SPATA7: variants seen among roughly 807,000 people sequenced by gnomAD.
The protein encoded by SPATA7 is spermatogenesis associated 7.
A neutral mutation model predicts 51.8 loss-of-function variants in SPATA7; 43 were observed. The observed-to-expected ratio is 0.83, with a 90% CI of 0.65 to 1.07. SPATA7 has a LOEUF of 1.07. SPATA7 is among the 50% of genes least tolerant of loss of function. The probability of loss-of-function intolerance (pLI) is 0.00; values close to 1 mark genes in which losing one functional copy is unlikely to be tolerated. For missense variants in SPATA7, 683 were observed against 701.3 expected (o/e 0.97, Z 0.30); for synonymous variants, 230 against 252.8 (o/e 0.91, Z 0.86).
intron 4 of SPATA7, among the ~76,000 whole-genome samples, chr14:88,460,616 T>A (rs1036745033): frequency 1.3e-5 from 2 of 152,186 alleles, no homozygotes; most frequent in Non-Finnish European, 2.9e-5. Context: ...TCATCTAATC[T>A]TTTTTCAAGG....
chr14:88,419,752 C>G (rs1430319880), intron 5 of SPATA7, among the ~76,000 whole-genome samples: 1 of 152,072 alleles, frequency 6.6e-6, no homozygotes, highest in African/African-American at 2.4e-5. Flanking sequence ...GTCTCGATCT[C>G]CTGACCTCGT....
rs182677472 is a variant in SPATA7 at position 88,389,305 on chromosome 14, A to G, written c.20-2076A>G. 1.1e-3 allele frequency among the ~76,000 whole-genome samples: 160 copies of G among 151,800 alleles called. 2 individuals carry two copies. In the East Asian group the frequency reaches 0.023, roughly 22 times the overall value. On this transcript the variant is annotated intron_variant, in intron 1 of 11. Transcript: ENST00000393545. The stretch of plus-strand genomic sequence containing the variant: ...AGTGCATTGCAGCCTCCTGGGCTCA[A>G]TCATCCTCCCATCTCAGCCTCCTGT...
At chr14:88,437,633 T>A (rs2077125724) in intron 11 of SPATA7, 36 bp downstream of exon 11, 2 of 1,513,984 alleles carry the variant, frequency 1.3e-6, no homozygotes, top group Non-Finnish European at 1.8e-6. Flanking sequence ...AGAAAAATTA[T>A]AATGTAAAAA....
rs554224437 is a variant in SPATA7, at chr14:88,391,380, G to A, written c.20-1G>A. The stretch of plus-strand genomic sequence containing the variant: ...TTATGATTTTTTTTTCTTGTTAAAA[G>A]TCAGAGCAACCTCTGTCCTTCCCAG... On this transcript the variant is annotated splice_acceptor_variant, in intron 1 of 11. Transcript: ENST00000393545. LOFTEE classifies it high-confidence loss of function. 5 of 1,610,688 alleles carry A rather than the reference G, an allele frequency of 3.1e-6. No homozygotes were observed. In the African/African-American group the frequency reaches 6.7e-5, roughly 22 times the overall value.
In SPATA7 at chr14:88,391,960, A is replaced by G. The variant is rs188281096; in HGVS notation, c.94+505A>G. Among the ~76,000 whole-genome samples the G allele has an allele frequency of 1.1e-3, 164 of 152,326 alleles. 2 individuals carry two copies. The East Asian group carries it at 0.027, about 25-fold the overall frequency. ...GGTAGGTTTTAAAATAAATTTTTGTAATTATACCTTAGAAGTATAAGTCTA... is the reference window on the plus strand; with the variant it reads ...GGTAGGTTTTAAAATAAATTTTTGTGATTATACCTTAGAAGTATAAGTCTA... On this transcript the variant is annotated intron_variant, in intron 2 of 11. Coordinates refer to ENST00000393545, the MANE Select transcript of SPATA7 (RefSeq NM_018418.5).
chr14:88,401,110 C>G (rs1421737007), intron 4 of SPATA7, among the ~76,000 whole-genome samples: 1 of 152,148 alleles, frequency 6.6e-6, no homozygotes, highest in Non-Finnish European at 1.5e-5. Context: ...AAAATACCAG[C>G]AAACTGAATT....
At chr14:88,429,498 C>A (rs2076884269) in intron 8 of SPATA7, 35 bp downstream of exon 8, 2 of 1,311,538 alleles carry the variant, frequency 1.5e-6, no homozygotes, top group South Asian at 2.4e-5. Flanking sequence ...TTTCAACTGT[C>A]TTTAATTGCC....
chr14:88,464,647 T>C (rs1357371445), intron 4 of SPATA7, among the ~76,000 whole-genome samples: 2 of 152,104 alleles, frequency 1.3e-5, no homozygotes, highest in African/African-American at 2.4e-5. Flanking sequence ...GGAGAATTGC[T>C]TGAACCCAGA....
intron 5 of SPATA7, among the ~76,000 whole-genome samples, chr14:88,424,569 G>C (rs1326538963): frequency 6.6e-6 from 1 of 152,066 alleles, no homozygotes; most frequent in South Asian, 2.1e-4. Flanking sequence ...CTCAGTTTGT[G>C]CTGTTCTTCT....
At chr14:88,404,999 C>T (rs1012737529) in intron 4 of SPATA7, among the ~76,000 whole-genome samples, 3 of 151,878 alleles carry the variant, frequency 2.0e-5, no homozygotes, top group East Asian at 1.9e-4. Context: ...GTAATAAATG[C>T]AATGGAAAAA....
chr14:88,426,777 T>C lies in SPATA7; in HGVS notation c.845+73T>C, dbSNP rs537524265. The C allele has an allele frequency of 3.7e-6, 5 of 1,348,962 alleles. No individual in the cohort carries two copies. In the East Asian group the frequency reaches 1.2e-4, roughly 33 times the overall value. The allele number at this position is 1,348,962 out of a possible 1,614,324, so 83.6% of individuals were successfully genotyped here. On this transcript the variant is annotated intron_variant, in intron 6 of 11. Transcript: ENST00000393545. ...AAAATTAATGAATTAATATTCCTTGTTTTCTGCTGCCAGCCTTAAGATCTG... is the reference window on the plus strand; with the variant it reads ...AAAATTAATGAATTAATATTCCTTGCTTTCTGCTGCCAGCCTTAAGATCTG...
intron 10 of SPATA7, 142 bp from the exon 11 acceptor site, chr14:88,437,401 G>T: frequency 1.6e-6 from 1 of 629,248 alleles, no homozygotes. Context: ...GAACAGGAAA[G>T]GATTAGTCTT....
In SPATA7 at chr14:88,450,453, A is replaced by G. The variant is rs948640614; in HGVS notation, c.178-4607A>G. 2.6e-4 allele frequency among the ~76,000 whole-genome samples: 39 copies of G among 152,102 alleles called. 1 individual carries two copies. The highest frequency in any genetic ancestry group is 2.6e-3 in the Admixed American group (39 of 15,266). ...CTATTTTGATGATTTTGAGGATTTAAGATTTAGAGCTCCTTTTAGCAGTTC... is the reference window on the plus strand; with the variant it reads ...CTATTTTGATGATTTTGAGGATTTAGGATTTAGAGCTCCTTTTAGCAGTTC... On this transcript the variant is annotated intron_variant, in intron 3 of 3. Coordinates refer to the SPATA7 transcript ENST00000554802.
intron 4 of SPATA7, among the ~76,000 whole-genome samples, chr14:88,463,214 AC>A (rs1001903394): frequency 2.0e-5 from 3 of 152,066 alleles, no homozygotes; most frequent in African/African-American, 7.3e-5. Context: ...ATTAAGGAGG[AC>A]ATATAAGTGG....
At chr14:88,452,656 A>G (rs1199965098) in intron 3 of SPATA7, among the ~76,000 whole-genome samples, 2 of 152,148 alleles carry the variant, frequency 1.3e-5, no homozygotes, top group Non-Finnish European at 2.9e-5. Context: ...TGCTCTGTCC[A>G]TCTGAGTGGG....
intron 3 of SPATA7, among the ~76,000 whole-genome samples, chr14:88,393,959 A>C (rs554094639): frequency 1.1e-4 from 17 of 152,322 alleles, no homozygotes; most frequent in Non-Finnish European, 2.2e-4. Context: ...ACCATGCTGT[A>C]AAACAGGAAT....
At chr14:88,447,639 T>C (rs1435330268) in intron 3 of SPATA7, among the ~76,000 whole-genome samples, 4 of 151,780 alleles carry the variant, frequency 2.6e-5, no homozygotes, top group African/African-American at 4.8e-5. Flanking sequence ...TTCCTTTCCA[T>C]GTTTAGCGCT....
intron 4 of SPATA7, among the ~76,000 whole-genome samples, chr14:88,409,955 CTGTT>C (rs1342487692): frequency 3.3e-5 from 5 of 152,142 alleles, no homozygotes; most frequent in Admixed American, 6.6e-5. Context: ...GTCTGAGAGA[CTGTT>C]TGTTATGATT....
chr14:88,402,846 A>G (rs985201197), intron 4 of SPATA7, among the ~76,000 whole-genome samples: 4 of 152,016 alleles, frequency 2.6e-5, no homozygotes, highest in African/African-American at 9.7e-5. Context: ...AGCAAAGGAA[A>G]CAATCGACAG....
Sources: allele counts gnomAD v4.1 joint callset (sites outside exome capture counted in the v4.1 genomes callset), GRCh38; gene constraint gnomAD v4.1.1; transcripts MANE v1.5; gene names NCBI Gene and HGNC (gene_info 2026-07-23, HGNC 2026-07-21).